The following COX15 variants were observed in gnomAD, a reference collection of about 807,000 sequenced individuals.
COX15 encodes heme A synthase COX15.
A neutral mutation model predicts 51.9 loss-of-function variants in COX15; 51 were observed. That is an observed-to-expected ratio of 0.98 (90% CI 0.78 to 1.24). The LOEUF is 1.24. Among genes scored for constraint, COX15 ranks in the 50% most tolerant of loss-of-function variants. The probability of loss-of-function intolerance (pLI) is 0.00; values close to 1 mark genes in which losing one functional copy is unlikely to be tolerated. For synonymous variants in COX15, 188 were observed against 190.5 expected, an observed-to-expected ratio of 0.99 and a Z score of 0.11; for missense variants, 420 against 501.1, an observed-to-expected ratio of 0.84 and a Z score of 1.55.
intron 7 of COX15, among the ~76,000 whole-genome samples, chr10:99,717,402 G>C (rs2036611058): frequency 6.6e-6 from 1 of 152,178 alleles, no homozygotes; most frequent in South Asian, 2.1e-4. Flanking sequence ...GTAGAGATGA[G>C]GTCTCCCTGT....
chr10:99,706,787 T>C (rs569437466), downstream of COX15, among the ~76,000 whole-genome samples: 1 of 152,352 alleles, frequency 6.6e-6, no homozygotes, highest in South Asian at 2.1e-4. Context: ...AAATATGTTT[T>C]AGCTGCCTAC....
At chr10:99,731,086 AT>A (rs1021803932) in intron 1 of COX15, among the ~76,000 whole-genome samples, 9 of 151,838 alleles carry the variant, frequency 5.9e-5, no homozygotes, top group Non-Finnish European at 1.3e-4. Flanking sequence ...AGAGAAAAAG[AT>A]TTTTTTTTAA....
At position 99,714,611 on chromosome 10, in the gene COX15, A is replaced by G. The variant is rs34652235; in HGVS notation, c.1209T>C (p.Asn403=). Residue 403 remains asparagine, a synonymous_variant, in exon 9 of 9, where the codon AAT becomes AAC. Transcript: ENST00000016171. Reference sequence around the variant, plus strand: ...ATCATTTTGGGACTCTTCGGAGTTCATTCATCAGCCAAAGAGCACCAGTGA... The same window carrying G: ...ATCATTTTGGGACTCTTCGGAGTTCGTTCATCAGCCAAAGAGCACCAGTGA... ...ALLTGALWLM[N]ELRRVPK 3,672 of 1,614,130 alleles carry G rather than the reference A, an allele frequency of 2.3e-3. 82 individuals carry two copies. In the African/African-American group the frequency reaches 0.043, roughly 19 times the overall value.
In COX15 at chr10:99,711,299, C is replaced by A; in HGVS notation, c.*3288G>T. On this transcript the variant is annotated 3_prime_UTR_variant, in exon 9 of 9. Coordinates refer to ENST00000016171, the MANE Select transcript of COX15 (RefSeq NM_078470.6). ...ACTGTAGAAGCATTAATATATGGTTCTTTGGGTTGGGTCATACTGCCCTCT... is the reference window on the plus strand; with the variant it reads ...ACTGTAGAAGCATTAATATATGGTTATTTGGGTTGGGTCATACTGCCCTCT... 3.0e-6 allele frequency: 3 copies of A among 985,372 alleles called. No individual in the cohort carries two copies. The highest frequency in any genetic ancestry group is 3.6e-6 in the Non-Finnish European group (3 of 829,924). 61.0% of individuals were successfully genotyped at this position (985,372 alleles called of 1,614,324 possible). A position where few individuals can be genotyped will look rare whatever the true frequency, so the allele number is the denominator to read the frequency against.
At chr10:99,731,343 C>T (rs1339169070) in intron 1 of COX15, among the ~76,000 whole-genome samples, 2 of 152,116 alleles carry the variant, frequency 1.3e-5, no homozygotes, top group African/African-American at 4.8e-5. Context: ...ATAAGGATTT[C>T]GCAAATGAAT....
chr10:99,698,063 C>G, the COX15 span: 3 of 188,142 alleles, frequency 1.6e-5, no homozygotes, highest in East Asian at 2.8e-4. Flanking sequence ...CATTCAGAGG[C>G]AGGCATGGGC....
chr10:99,714,247 A>C lies in COX15; in HGVS notation c.*340T>G. 1 of 1,158,946 alleles carries C rather than the reference A, an allele frequency of 8.6e-7. No individual in the cohort carries two copies. The highest frequency in any genetic ancestry group is 1.1e-6 in the Non-Finnish European group (1 of 929,370). The allele number at this position is 1,158,946 out of a possible 1,614,324, so 71.8% of individuals were successfully genotyped here. ...TAGGCAGAATTAAGGACTCAGGAGA[A>C]CATCCACGTAGAAATCATCCACGTA... On this transcript the variant is annotated 3_prime_UTR_variant, in exon 9 of 9. Coordinates refer to ENST00000016171, the MANE Select transcript of COX15 (RefSeq NM_078470.6).
chr10:99,717,946 T>G (rs1442204961), intron 7 of COX15, among the ~76,000 whole-genome samples: 1 of 152,214 alleles, frequency 6.6e-6, no homozygotes, highest in African/African-American at 2.4e-5. Flanking sequence ...CCTGGCTCCT[T>G]GAGCTTCTGG....
At chr10:99,718,225 G>T in intron 7 of COX15, 121 bp downstream of exon 7, 1 of 1,082,504 alleles carries the variant, frequency 9.2e-7, no homozygotes, top group Non-Finnish European at 1.4e-6. Context: ...TTCTTCCAAA[G>T]AGAGCAGGAA....
chr10:99,730,657 T>A (rs1462414932), intron 1 of COX15, among the ~76,000 whole-genome samples: 1 of 152,204 alleles, frequency 6.6e-6, no homozygotes, highest in Non-Finnish European at 1.5e-5. Context: ...GTATGACTTA[T>A]TGCTCTTAGG....
chr10:99,702,145 G>C, the COX15 span, among the ~76,000 whole-genome samples: 4 of 152,132 alleles, frequency 2.6e-5, no homozygotes, highest in Non-Finnish European at 4.4e-5. Context: ...ACATTTATCA[G>C]CTCCTGGCCC....
At chr10:99,703,263 A>G in the COX15 span, among the ~76,000 whole-genome samples, 3 of 152,112 alleles carry the variant, frequency 2.0e-5, no homozygotes, top group African/African-American at 4.8e-5. Flanking sequence ...ACCCTGGACT[A>G]TTTCAGATAA....
chr10:99,714,645 A>C lies in COX15; in HGVS notation c.1175T>G (p.Leu392Trp). 6.2e-7 allele frequency: 1 copy of C among 1,614,164 alleles called. No individual in the cohort carries two copies. The highest frequency in any genetic ancestry group is 8.5e-7 in the Non-Finnish European group (1 of 1,180,018). Residue 392 changes from leucine to tryptophan, a missense_variant, in exon 9 of 9, where the codon TTG becomes TGG. Physicochemically the swap from Leu to Trp is moderately conservative, Grantham distance 61. Transcript: ENST00000016171. The stretch of plus-strand genomic sequence containing the variant: ...CCAAAGAGCACCAGTGAGCAAAGCC[A>C]AGGAGCCTGACTGGTGAGTGGCGGC... ...PLAATHQSGS[L>W]ALLTGALWLM...
intron 7 of COX15, among the ~76,000 whole-genome samples, chr10:99,717,774 C>CCATAATGCCATAG (rs1462832266): frequency 6.6e-6 from 1 of 152,216 alleles, no homozygotes; most frequent in Non-Finnish European, 1.5e-5. Context: ...ATCACTCTCC[C>CCATAATGCCATAG]TGGCATTACG....
At chr10:99,724,922 C>T (rs1210701980) in intron 4 of COX15, among the ~76,000 whole-genome samples, 1 of 152,158 alleles carries the variant, frequency 6.6e-6, no homozygotes, top group Non-Finnish European at 1.5e-5. Flanking sequence ...TTGCAAATAT[C>T]TAAGTTCCCA....
At chr10:99,704,719 G>A in the COX15 span, 14 of 1,566,696 alleles carry the variant, frequency 8.9e-6, no homozygotes, top group Middle Eastern at 5.3e-4. Flanking sequence ...GAGCACCCCC[G>A]AGTTGCTGCT....
At position 99,714,477 on chromosome 10, in the gene COX15, T is replaced by C. The variant is rs1221699409; in HGVS notation, c.*110A>G. 12 of 1,582,282 alleles carry C rather than the reference T, an allele frequency of 7.6e-6. No individual in the cohort carries two copies. The highest frequency in any genetic ancestry group is 5.4e-5 in the African/African-American group (4 of 74,474). Reference sequence around the variant, plus strand: ...AAGATTTTTAAGTAAGTTGACCATTTGGAAACCACTTGGTATGTCAAGGTC... The same window carrying C: ...AAGATTTTTAAGTAAGTTGACCATTCGGAAACCACTTGGTATGTCAAGGTC... On this transcript the variant is annotated 3_prime_UTR_variant, in exon 9 of 9. Coordinates refer to ENST00000016171, the MANE Select transcript of COX15 (RefSeq NM_078470.6).
the COX15 span, among the ~76,000 whole-genome samples, chr10:99,699,215 C>T: frequency 2.0e-5 from 3 of 152,082 alleles, no homozygotes; most frequent in Admixed American, 6.5e-5. Flanking sequence ...CTCTTGCTAG[C>T]TATTTTCTGT....
rs2037177120 is a variant in COX15 at position 99,732,029 on chromosome 10, C to T, written c.21G>A (p.Pro7=). The T allele has an allele frequency of 1.2e-6, 2 of 1,613,094 alleles. No individual in the cohort carries two copies. The highest frequency in any genetic ancestry group is 1.7e-6 in the Non-Finnish European group (2 of 1,179,732). The change falls in exon 1 of 9, where the codon CCG becomes CCA. Residue 7 remains proline, a synonymous_variant. Transcript: ENST00000016171. MQRLLF[P]PLRALKGRQY... ...GCCTCCCCTTCAAGGCCCTCAACGG[C>T]GGAAAGAGCAATCGCTGCATACTGA...
Sources: allele counts gnomAD v4.1 joint callset (sites outside exome capture counted in the v4.1 genomes callset), GRCh38; gene constraint gnomAD v4.1.1; transcripts MANE v1.5; gene names NCBI Gene and HGNC (gene_info 2026-07-23, HGNC 2026-07-21).